THNSL1: variants seen among roughly 807,000 people sequenced by gnomAD.
THNSL1 encodes threonine synthase-like 1.
THNSL1 carries 48 observed loss-of-function variants against 50.4 expected under a neutral mutation model. The ratio of observed to expected loss-of-function variants is 0.95; its 90% confidence interval spans 0.76 to 1.21. The LOEUF (loss-of-function observed/expected upper bound fraction) is 1.21. THNSL1 is among the 50% of genes most tolerant of loss of function. The probability of loss-of-function intolerance (pLI) is 0.00; values close to 1 mark genes in which losing one functional copy is unlikely to be tolerated. For missense variants in THNSL1, 896 were observed against 871.7 expected (o/e 1.03, Z -0.35); for synonymous variants, 309 against 306.1 (o/e 1.01, Z -0.10).
the THNSL1 span, among the ~76,000 whole-genome samples, chr10:24,956,546 A>G: frequency 6.7e-6 from 1 of 150,040 alleles, no homozygotes; most frequent in Non-Finnish European, 1.5e-5. Flanking sequence ...ATAGTTATAC[A>G]TATTATCTAT....
the THNSL1 span, chr10:24,952,524 T>G: frequency 1.3e-6 from 2 of 1,585,398 alleles, no homozygotes; most frequent in Non-Finnish European, 1.7e-6. This position sits in a 1 kb window ranked among gnomAD's most constrained non-coding sequence, Gnocchi z 5.1. Context: ...GAGTTTGCAT[T>G]TACCACGACG....
the THNSL1 span, among the ~76,000 whole-genome samples, chr10:24,977,540 C>T: frequency 5.9e-5 from 9 of 152,022 alleles, no homozygotes; most frequent in Non-Finnish European, 1.3e-4. Context: ...TTTAGATGTC[C>T]ATCAATAGGG....
chr10:24,993,776 G>A, the THNSL1 span, among the ~76,000 whole-genome samples: 1 of 152,164 alleles, frequency 6.6e-6, no homozygotes, highest in African/African-American at 2.4e-5. Flanking sequence ...TTTCCATGAT[G>A]GATACTCCAA....
chr10:24,989,635 A>G, the THNSL1 span, among the ~76,000 whole-genome samples: 2 of 152,250 alleles, frequency 1.3e-5, no homozygotes, highest in African/African-American at 2.4e-5. Context: ...AGGGTTTAGC[A>G]TTTAAGAAAT....
chr10:24,966,145 A>G, the THNSL1 span, among the ~76,000 whole-genome samples: 1 of 152,264 alleles, frequency 6.6e-6, no homozygotes, highest in African/African-American at 2.4e-5. Context: ...ATAAGTGTGA[A>G]GCACAGTGCA....
At chr10:24,963,804 C>T in the THNSL1 span, among the ~76,000 whole-genome samples, 1 of 152,136 alleles carries the variant, frequency 6.6e-6, no homozygotes, top group South Asian at 2.1e-4. Flanking sequence ...GAAACATTCC[C>T]CATTTCACAC....
the THNSL1 span, among the ~76,000 whole-genome samples, chr10:24,967,994 GAT>G: frequency 1.6e-5 from 2 of 126,256 alleles, no homozygotes; most frequent in Admixed American, 8.1e-5. Context: ...ATATGTGTAT[GAT>G]GTGTGTGTGT....
the THNSL1 span, among the ~76,000 whole-genome samples, chr10:25,009,147 C>T: frequency 6.6e-6 from 1 of 152,050 alleles, no homozygotes; most frequent in African/African-American, 2.4e-5. Flanking sequence ...AGGAGATATA[C>T]CTAACGTAAA....
chr10:24,973,202 A>T, the THNSL1 span, among the ~76,000 whole-genome samples: 1 of 152,134 alleles, frequency 6.6e-6, no homozygotes, highest in African/African-American at 2.4e-5. Flanking sequence ...CCGACTTGCC[A>T]GCAGCACTAC....
chr10:24,968,140 C>A, the THNSL1 span, among the ~76,000 whole-genome samples: 1 of 151,978 alleles, frequency 6.6e-6, no homozygotes, highest in African/African-American at 2.4e-5. Context: ...TTTTGAAAAC[C>A]TATCTGCAAG....
At chr10:24,973,618 T>G in the THNSL1 span, among the ~76,000 whole-genome samples, 5 of 152,082 alleles carry the variant, frequency 3.3e-5, no homozygotes, top group Admixed American at 3.3e-4. Context: ...TGAAAAAAAT[T>G]ATAAGAATAC....
the THNSL1 span, among the ~76,000 whole-genome samples, chr10:25,001,393 C>T: frequency 6.6e-6 from 1 of 151,434 alleles, no homozygotes; most frequent in Non-Finnish European, 1.5e-5. Flanking sequence ...TTGGGGTTAA[C>T]TGTGATTCTT....
the THNSL1 span, chr10:24,990,460 C>A: frequency 6.2e-7 from 1 of 1,610,030 alleles, no homozygotes; most frequent in Non-Finnish European, 8.5e-7. Context: ...GCAGAACACA[C>A]ACCTGCAAAA....
At chr10:25,015,911 C>T (rs749329752), upstream of THNSL1, 1 of 1,608,002 alleles carries the variant, frequency 6.2e-7, no homozygotes, top group South Asian at 1.1e-5. Context: ...GTTATAAATG[C>T]ACTCAGAAGA....
chr10:25,019,532 A>T (rs976146958), intron 1 of THNSL1, among the ~76,000 whole-genome samples: 1 of 152,224 alleles, frequency 6.6e-6, no homozygotes, highest in East Asian at 1.9e-4. Flanking sequence ...ACAAAAAAGC[A>T]AATTAGTACA....
the THNSL1 span, among the ~76,000 whole-genome samples, chr10:24,994,945 C>T: frequency 1.3e-5 from 2 of 151,934 alleles, no homozygotes; most frequent in African/African-American, 2.4e-5. Context: ...TCACTCGAGC[C>T]GGAAGTTGGA....
the THNSL1 span, among the ~76,000 whole-genome samples, chr10:25,010,649 GTGTT>G: frequency 6.8e-6 from 1 of 146,616 alleles, no homozygotes; most frequent in Non-Finnish European, 1.5e-5. Context: ...CTGTGTCCAT[GTGTT>G]CTCATTGTTC....
chr10:24,988,676 A>G, the THNSL1 span, among the ~76,000 whole-genome samples: 6 of 1,386 alleles, frequency 4.3e-3, no homozygotes, highest in African/African-American at 9.6e-3. Context: ...ATATATATAT[A>G]TATATATATA....
chr10:25,010,839 T>C, the THNSL1 span, among the ~76,000 whole-genome samples: 2 of 151,388 alleles, frequency 1.3e-5, no homozygotes, highest in Non-Finnish European at 2.9e-5. Flanking sequence ...TAGTCCAGTC[T>C]ATCATTGTTG....
Sources: gnomAD v4.1 joint callset for allele counts (sites outside exome capture counted in the v4.1 genomes callset) on GRCh38, gnomAD v4.1.1 for gene constraint, Gnocchi (gnomAD v3.1) non-coding constraint, MANE v1.5 for transcripts, NCBI Gene and HGNC (gene_info 2026-07-23, HGNC 2026-07-21) for gene names.